The following GRID2 variants were observed in gnomAD, a reference collection of about 807,000 sequenced individuals.
GRID2 encodes glutamate receptor ionotropic, delta-2.
Under a neutral mutation model 114.8 loss-of-function variants are expected in GRID2, and 33 were observed. The ratio of observed to expected loss-of-function variants is 0.29; its 90% CI spans 0.22 to 0.38. The LOEUF is 0.38. GRID2 is among the 10% of genes least tolerant of loss of function. The probability of loss-of-function intolerance (pLI) is 1.00; values close to 1 mark genes in which losing one functional copy is unlikely to be tolerated. For synonymous variants in GRID2, 505 were observed against 449.9 expected (o/e 1.12, Z -1.55); for missense variants, 1,184 against 1,257.7 (o/e 0.94, Z 0.89).
At chr4:93,216,220 C>T (rs1744191390) in intron 5 of GRID2, among the ~76,000 whole-genome samples, 1 of 151,860 alleles carries the variant, frequency 6.6e-6, no homozygotes, top group African/African-American at 2.4e-5. Flanking sequence ...TCTTGCTCTA[C>T]TTGCCTCAGT....
chr4:92,337,306 G>T (rs1046016453), intron 1 of GRID2, among the ~76,000 whole-genome samples: 5 of 151,918 alleles, frequency 3.3e-5, no homozygotes, highest in African/African-American at 1.2e-4. Flanking sequence ...AATTATTTTT[G>T]TCTACTTATT....
chr4:93,503,369 C>T (rs1184208923), intron 12 of GRID2, among the ~76,000 whole-genome samples: 4 of 152,036 alleles, frequency 2.6e-5, no homozygotes, highest in Admixed American at 6.6e-5. Flanking sequence ...TACATGTGCA[C>T]AACGTGCAGG....
At chr4:92,788,378 G>T (rs191389905) in intron 2 of GRID2, among the ~76,000 whole-genome samples, 38 of 152,006 alleles carry the variant, frequency 2.5e-4, no homozygotes, top group African/African-American at 8.9e-4. Context: ...GGTTTTGATA[G>T]AGAATTGAAA....
chr4:93,556,221 C>T (rs1343139289), intron 13 of GRID2, among the ~76,000 whole-genome samples: 1 of 152,148 alleles, frequency 6.6e-6, no homozygotes, highest in Non-Finnish European at 1.5e-5. Context: ...GATCACAACT[C>T]CTCGCCAGCA....
intron 13 of GRID2, among the ~76,000 whole-genome samples, chr4:93,532,980 T>C (rs1464033103): frequency 6.6e-6 from 1 of 152,198 alleles, no homozygotes; most frequent in Non-Finnish European, 1.5e-5. Flanking sequence ...GGTGTTTGTC[T>C]ACTAATGTGC....
intron 4 of GRID2, among the ~76,000 whole-genome samples, chr4:93,154,868 T>A (rs561806656): frequency 6.6e-6 from 1 of 152,028 alleles, no homozygotes; most frequent in Non-Finnish European, 1.5e-5. Context: ...CTGTCCTTCT[T>A]CTCTCACTTT....
intron 2 of GRID2, among the ~76,000 whole-genome samples, chr4:92,785,922 G>T (rs1166338215): frequency 6.6e-6 from 1 of 151,788 alleles, no homozygotes; most frequent in Non-Finnish European, 1.5e-5. Context: ...GAAAATGACA[G>T]GGTTGGAACA....
chr4:93,340,667 A>T (rs766818940), intron 8 of GRID2, among the ~76,000 whole-genome samples: 1 of 152,112 alleles, frequency 6.6e-6, no homozygotes, highest in African/African-American at 2.4e-5. Flanking sequence ...TGATATTTCT[A>T]TGGGTTTACT....
At chr4:92,543,149 G>T (rs939947375) in intron 1 of GRID2, among the ~76,000 whole-genome samples, 3 of 152,178 alleles carry the variant, frequency 2.0e-5, no homozygotes, top group Non-Finnish European at 4.4e-5. Context: ...GGAAAAGAAA[G>T]ATATATAATA....
chr4:93,552,004 A>G (rs1016601407), intron 13 of GRID2, among the ~76,000 whole-genome samples: 3 of 149,900 alleles, frequency 2.0e-5, no homozygotes, highest in African/African-American at 7.3e-5. Flanking sequence ...AACATTAGGT[A>G]TATCTCCTAA....
At chr4:92,417,346 T>G (rs1223225199) in intron 1 of GRID2, among the ~76,000 whole-genome samples, 1 of 152,028 alleles carries the variant, frequency 6.6e-6, no homozygotes, top group East Asian at 1.9e-4. Context: ...CAAAGACAAT[T>G]GTTATGGTTT....
At chr4:93,112,050 A>AT (rs1054201911) in intron 4 of GRID2, 3 of 152,026 alleles carry the variant, frequency 2.0e-5, no homozygotes, top group African/African-American at 7.2e-5. Flanking sequence ...GAACTACTAC[A>AT]TTTTTTCATA....
At chr4:93,618,788 C>A (rs1042872571) in intron 13 of GRID2, among the ~76,000 whole-genome samples, 1 of 152,200 alleles carries the variant, frequency 6.6e-6, no homozygotes, top group African/African-American at 2.4e-5. Context: ...AGAGAATCAC[C>A]AGTTCTTTTC....
intron 2 of GRID2, among the ~76,000 whole-genome samples, chr4:92,881,836 A>G (rs1366701082): frequency 6.6e-6 from 1 of 152,210 alleles, no homozygotes; most frequent in African/African-American, 2.4e-5. Flanking sequence ...TGATATCCTA[A>G]TAGGTGTAGG....
chr4:92,610,563 C>T (rs1729668143), intron 2 of GRID2, among the ~76,000 whole-genome samples: 1 of 151,492 alleles, frequency 6.6e-6, no homozygotes, highest in Non-Finnish European at 1.5e-5. Context: ...CCTCCTTTTC[C>T]ACTTCCTCGT....
chr4:93,724,319 T>G (rs1407195445), intron 14 of GRID2, among the ~76,000 whole-genome samples: 1 of 152,196 alleles, frequency 6.6e-6, no homozygotes, highest in African/African-American at 2.4e-5. Flanking sequence ...GAAGATAGAC[T>G]AGGCAGCCAA....
At chr4:93,499,847 G>C (rs1024194951) in intron 12 of GRID2, among the ~76,000 whole-genome samples, 1 of 151,918 alleles carries the variant, frequency 6.6e-6, no homozygotes, top group African/African-American at 2.4e-5. Context: ...CCCCATGAGA[G>C]ATATGTTATT....
intron 10 of GRID2, among the ~76,000 whole-genome samples, chr4:93,448,935 C>T (rs1580117151): frequency 1.0e-5 from 1 of 95,854 alleles, no homozygotes; most frequent in South Asian, 3.8e-4. Flanking sequence ...CCTTCCCCTT[C>T]CCCTTCCCTT....
Position 92,726,230 on chromosome 4 carries a change from C to G in GRID2, c.244+135944C>G, listed in dbSNP as rs188349744. Among the ~76,000 whole-genome samples, 627 of 152,094 alleles carry G rather than the reference C, an allele frequency of 4.1e-3. 4 individuals carry two copies. The highest frequency in any genetic ancestry group is 5.7e-3 in the Non-Finnish European group (384 of 67,962). ...ATTTAAATTAAACAACCTTTAGTTTCTTCTCTCAAATATATTCTCTTCTAC... is the reference window on the plus strand; with the variant it reads ...ATTTAAATTAAACAACCTTTAGTTTGTTCTCTCAAATATATTCTCTTCTAC... On this transcript the variant is annotated intron_variant, in intron 2 of 15. Transcript: ENST00000282020.
Sources: gnomAD v4.1 joint callset for allele counts (sites outside exome capture counted in the v4.1 genomes callset) on GRCh38, gnomAD v4.1.1 for gene constraint, MANE v1.5 for transcripts, NCBI Gene and HGNC (gene_info 2026-07-23, HGNC 2026-07-21) for gene names.